The following LRRC52 variants were observed in gnomAD, a reference collection of about 807,000 sequenced individuals.
LRRC52 encodes the protein leucine rich repeat containing 52.
A neutral mutation model predicts 14.7 loss-of-function variants in LRRC52; 15 were observed. The observed-to-expected ratio is 1.02, with a 90% CI of 0.68 to 1.58. LRRC52 has a LOEUF of 1.58. LRRC52 is among the 40% of genes most tolerant of loss of function. The pLI is 0.00. For synonymous variants in LRRC52, 180 were observed against 163.9 expected (o/e 1.10, Z -0.75); for missense variants, 400 against 387.7 (o/e 1.03, Z -0.27).
chr1:165,544,217 C>T lies in LRRC52; in HGVS notation c.-80C>T. On this transcript the variant is annotated 5_prime_UTR_variant, in exon 1 of 2. Coordinates refer to ENST00000294818, the MANE Select transcript of LRRC52 (RefSeq NM_001005214.4). ...TTCTTTCCAGAGCCCCTCCCCCGCC[C>T]CACCCCCCCACCGGCAGCCTTCGGA... 3.9e-6 allele frequency: 5 copies of T among 1,281,962 alleles called. 1 individual carries two copies. The South Asian group carries it at 4.2e-5, about 11-fold the overall frequency. The allele number at this position is 1,281,962 out of a possible 1,614,324, so 79.4% of individuals were successfully genotyped here. A position where few individuals can be genotyped will look rare whatever the true frequency, so the allele number is the denominator to read the frequency against.
intron 1 of LRRC52, among the ~76,000 whole-genome samples, chr1:165,555,859 A>T (rs1385431049): frequency 6.6e-6 from 1 of 152,238 alleles, no homozygotes; most frequent in Non-Finnish European, 1.5e-5. Context: ...ATCCATGAGG[A>T]CAACTGTCTG....
chr1:165,563,395 C>G (rs762008611), intron 1 of LRRC52, 110 bp from the exon 2 acceptor site: 1 of 936,624 alleles, frequency 1.1e-6, no homozygotes, highest in Non-Finnish European at 1.6e-6. Context: ...GGCCCACAGA[C>G]CACACTTGGA....
At position 165,544,802 on chromosome 1, in the gene LRRC52, C is replaced by T; in HGVS notation, c.506C>T (p.Ala169Val). ...GGCTTGCAGACCCTGGACAGTGCTG[C>T]CTTATACCACCTCACTACTCTGGAG... ...NTGLQTLDSA[A>V]LYHLTTLETL... The change falls in exon 1 of 2, where the codon GCC becomes GTC. Residue 169 changes from alanine (A) to valine (V), a missense_variant. Physicochemically the swap from Ala to Val is moderately conservative, Grantham distance 64 (BLOSUM62 0). Coordinates refer to ENST00000294818, the MANE Select transcript of LRRC52 (RefSeq NM_001005214.4). 6.2e-7 allele frequency: 1 copy of T among 1,614,056 alleles called. No homozygotes were observed. The highest frequency in any genetic ancestry group is 8.5e-7 in the Non-Finnish European group (1 of 1,180,014).
intron 1 of LRRC52, among the ~76,000 whole-genome samples, chr1:165,555,971 A>G (rs962615451): frequency 6.6e-6 from 1 of 152,250 alleles, no homozygotes; most frequent in Non-Finnish European, 1.5e-5. Context: ...TTTAACTTCC[A>G]AGAAGAACCT....
rs1660972844 is a variant in LRRC52, at chr1:165,544,497, T to A, written c.201T>A (p.Ser67Arg). The A allele has an allele frequency of 6.2e-7, 1 of 1,614,030 alleles. No individual in the cohort carries two copies. The highest frequency in any genetic ancestry group is 1.7e-5 in the Admixed American group (1 of 60,004). The change falls in exon 1 of 2, where the codon AGT becomes AGA. Residue 67 changes from serine (S) to arginine (R), a missense_variant. By Grantham distance (110) the Ser-to-Arg change is moderately radical. Coordinates refer to ENST00000294818, the MANE Select transcript of LRRC52 (RefSeq NM_001005214.4). ...TCCTGAACGAGAACAGAATCACTAGTTTGCCAGCAATGCATCTAGGACTCC... is the reference window on the plus strand; with the variant it reads ...TCCTGAACGAGAACAGAATCACTAGATTGCCAGCAATGCATCTAGGACTCC... ...RLFLNENRIT[S>R]LPAMHLGLLS...
intron 1 of LRRC52, 145 bp from the exon 2 acceptor site, chr1:165,563,360 A>G (rs1279245297): frequency 6.0e-6 from 4 of 669,002 alleles, no homozygotes; most frequent in Non-Finnish European, 1.0e-5. Flanking sequence ...ATTTCTAACA[A>G]GGTCCAGGTG....
At chr1:165,557,873 C>T (rs1026885976) in intron 1 of LRRC52, among the ~76,000 whole-genome samples, 3 of 152,188 alleles carry the variant, frequency 2.0e-5, no homozygotes, top group African/African-American at 7.2e-5. Flanking sequence ...AGATGCTCAC[C>T]CCTCCAGTCA....
At position 165,563,740 on chromosome 1, in the gene LRRC52, C is replaced by T. The variant is rs770691375; in HGVS notation, c.858C>T (p.Asp286=). Residue 286 remains aspartate (D), a synonymous_variant, in exon 2 of 2, where the codon GAC becomes GAT. Transcript: ENST00000294818. The part of the protein sequence containing the change: ...TRHKSSEEDE[D]EAGTRVEVSR... ...ACAAGTCGAGTGAAGAAGATGAGGACGAGGCCGGGACTAGGGTGGAAGTCA... is the reference window on the plus strand; with the variant it reads ...ACAAGTCGAGTGAAGAAGATGAGGATGAGGCCGGGACTAGGGTGGAAGTCA... 36 of 1,614,128 alleles carry T rather than the reference C, an allele frequency of 2.2e-5. No individual in the cohort carries two copies. The East Asian group carries it at 2.5e-4, about 11-fold the overall frequency.
chr1:165,551,005 G>A (rs1182492395), intron 1 of LRRC52, among the ~76,000 whole-genome samples: 3 of 152,176 alleles, frequency 2.0e-5, no homozygotes, highest in Non-Finnish European at 4.4e-5. Flanking sequence ...CAGGAGGTGA[G>A]AGGAGAACAG....
chr1:165,560,627 T>A (rs992753557), intron 1 of LRRC52, among the ~76,000 whole-genome samples: 5 of 152,074 alleles, frequency 3.3e-5, no homozygotes, highest in African/African-American at 1.2e-4. Flanking sequence ...GACGGGGTGG[T>A]TGAGGGAGGT....
At chr1:165,553,011 A>G (rs2101828134) in intron 1 of LRRC52, among the ~76,000 whole-genome samples, 1 of 152,338 alleles carries the variant, frequency 6.6e-6, no homozygotes, top group South Asian at 2.1e-4. Flanking sequence ...CCTGTAAAAC[A>G]CTAGGCATTT....
At position 165,545,510 on chromosome 1, in the gene LRRC52, C is replaced by T. The variant is rs188895921; in HGVS notation, c.622+592C>T. Among the ~76,000 whole-genome samples, 11 of 152,212 alleles carry T rather than the reference C, an allele frequency of 7.2e-5. No homozygotes were observed. In the East Asian group the frequency reaches 2.1e-3, roughly 29 times the overall value. On this transcript the variant is annotated intron_variant, in intron 1 of 1. Transcript: ENST00000294818. Reference sequence around the variant, plus strand: ...AGGAAGAAAGGGCTTTTGATAGCTGCTTTGTTTTGAAGATGCTGGCCTCCT... The same window carrying T: ...AGGAAGAAAGGGCTTTTGATAGCTGTTTTGTTTTGAAGATGCTGGCCTCCT...
chr1:165,544,773 T>C lies in LRRC52; in HGVS notation c.477T>C (p.Asn159=), dbSNP rs748718897. The change falls in exon 1 of 2, where the codon AAT becomes AAC. Residue 159 remains asparagine (N), a synonymous_variant. Transcript: ENST00000294818. The part of the protein sequence containing the change: ...TTSLRYLDLR[N]TGLQTLDSAA... ...CTTTGAGGTACCTGGACCTCAGAAA[T>C]ACCGGCTTGCAGACCCTGGACAGTG... The C allele has an allele frequency of 1.2e-6, 2 of 1,614,128 alleles. No homozygotes were observed. Among genetic ancestry groups the C allele is most frequent in the Non-Finnish European group, 1.7e-6 (2 of 1,180,024 alleles).
In LRRC52 at chr1:165,558,606, A is replaced by G. The variant is rs541803730; in HGVS notation, c.623-4899A>G. Among the ~76,000 whole-genome samples, 8 of 152,360 alleles carry G rather than the reference A, an allele frequency of 5.3e-5. No homozygotes were observed. In the East Asian group the frequency reaches 1.2e-3, roughly 22 times the overall value. On this transcript the variant is annotated intron_variant, in intron 1 of 1. Transcript: ENST00000294818. ...AGATGGGTATAAAACCTCTGAAGTCATCATACTAGAATAGTAAAAGAAGGT... is the reference window on the plus strand; with the variant it reads ...AGATGGGTATAAAACCTCTGAAGTCGTCATACTAGAATAGTAAAAGAAGGT...
In LRRC52 at chr1:165,544,475, TGAACGA is replaced by T; in HGVS notation, c.184_189del (p.Glu62_Asn63del). The T allele has an allele frequency of 6.2e-7, 1 of 1,614,158 alleles. No homozygotes were observed. ...CCCCTGAACACCCGGAGGCTGTTCCTGAACGAGAACAGAATCACTAGTTTGCCAGCA... is the reference window on the plus strand; with the variant it reads ...CCCCTGAACACCCGGAGGCTGTTCCTGAACAGAATCACTAGTTTGCCAGCA... On this transcript the variant is annotated inframe_deletion, in exon 1 of 2. Coordinates refer to ENST00000294818, the MANE Select transcript of LRRC52 (RefSeq NM_001005214.4).
intron 1 of LRRC52, among the ~76,000 whole-genome samples, chr1:165,549,350 T>C (rs1015388455): frequency 7.2e-5 from 11 of 152,178 alleles, no homozygotes; most frequent in African/African-American, 2.7e-4. Flanking sequence ...CAACTTTCTC[T>C]AGCCTCAGGA....
At chr1:165,548,727 G>T (rs1253634155) in intron 1 of LRRC52, among the ~76,000 whole-genome samples, 2 of 152,142 alleles carry the variant, frequency 1.3e-5, no homozygotes, top group Non-Finnish European at 2.9e-5. Flanking sequence ...GATAATAATA[G>T]AACCAACATT....
At chr1:165,552,553 A>T (rs1661154327) in intron 1 of LRRC52, among the ~76,000 whole-genome samples, 1 of 152,224 alleles carries the variant, frequency 6.6e-6, no homozygotes, top group East Asian at 1.9e-4. Flanking sequence ...CAAGCCAGAC[A>T]GTATGGCAGC....
Position 165,544,147 on chromosome 1 carries a change from C to T in LRRC52, c.-150C>T. The T allele has an allele frequency of 1.0e-6, 1 of 979,450 alleles. No homozygotes were observed. The highest frequency in any genetic ancestry group is 1.5e-6 in the Non-Finnish European group (1 of 667,100). The allele number at this position is 979,450 out of a possible 1,614,324, so 60.7% of individuals were successfully genotyped here. On this transcript the variant is annotated 5_prime_UTR_variant, in exon 1 of 2. Coordinates refer to ENST00000294818, the MANE Select transcript of LRRC52 (RefSeq NM_001005214.4). ...CTCGCGTTTCAATTTCTGTTCAGTT[C>T]TCCTGTAATGGAAAATTGCTTTGCA...
Sources: gnomAD v4.1 joint callset for allele counts (sites outside exome capture counted in the v4.1 genomes callset) on GRCh38, gnomAD v4.1.1 for gene constraint, MANE v1.5 for transcripts, NCBI Gene and HGNC (gene_info 2026-07-23, HGNC 2026-07-21) for gene names.